STK33: variants seen among roughly 807,000 people sequenced by gnomAD.
The protein encoded by STK33 is serine/threonine-protein kinase 33.
STK33 carries 52 observed loss-of-function variants against 58.0 expected under a neutral mutation model. That is an observed-to-expected ratio of 0.90 (90% CI 0.72 to 1.13). STK33 has a LOEUF of 1.13. Among genes scored for constraint, STK33 ranks in the 50% most tolerant of loss-of-function variants. The probability of loss-of-function intolerance (pLI) is 0.00; values close to 1 mark genes in which losing one functional copy is unlikely to be tolerated. For synonymous variants in STK33, 215 were observed against 200.1 expected (o/e 1.07, Z -0.63); for missense variants, 630 against 604.2 (o/e 1.04, Z -0.45).
intron 14 of STK33, among the ~76,000 whole-genome samples, chr11:8,434,808 C>G (rs1274890986): frequency 6.6e-6 from 1 of 152,162 alleles, no homozygotes; most frequent in Non-Finnish European, 1.5e-5. Flanking sequence ...TCTCACTGAC[C>G]ATCACGATAA....
chr11:8,586,659 A>C (rs2031693478), intron 1 of STK33, among the ~76,000 whole-genome samples: 2 of 152,116 alleles, frequency 1.3e-5, no homozygotes, highest in Admixed American at 1.3e-4. Context: ...CCCCGTCTGT[A>C]CTAAAACTAC....
rs1243561676 is a variant in STK33 at position 8,479,319 on chromosome 11, G to A, written c.-261+1091C>T. ...GTGGTGGCATGCACCTGTAATCCCG[G>A]CTACTAGGGAGGCTGAGGCAGGAGA... On this transcript the variant is annotated intron_variant, in intron 2 of 15. Coordinates refer to ENST00000687296, the MANE Select transcript of STK33 (RefSeq NM_001352389.2). Among the ~76,000 whole-genome samples, 3 of 151,812 alleles carry A rather than the reference G, an allele frequency of 2.0e-5. No homozygotes were observed. In the East Asian group the frequency reaches 5.8e-4, roughly 29 times the overall value.
intron 1 of STK33, among the ~76,000 whole-genome samples, chr11:8,522,397 T>A (rs534455347): frequency 2.0e-5 from 3 of 151,992 alleles, no homozygotes; most frequent in South Asian, 4.2e-4. Context: ...CACCGCATGT[T>A]CTCCCTCATA....
intron 9 of STK33, among the ~76,000 whole-genome samples, chr11:8,455,063 A>G (rs1044661776): frequency 1.3e-5 from 2 of 152,136 alleles, no homozygotes; most frequent in African/African-American, 4.8e-5. Context: ...CTGTGACCCC[A>G]GCTGGCTGCT....
At chr11:8,547,523 T>G (rs972175058) in intron 1 of STK33, among the ~76,000 whole-genome samples, 2 of 152,236 alleles carry the variant, frequency 1.3e-5, no homozygotes, top group Non-Finnish European at 2.9e-5. Flanking sequence ...CCTGTATGTC[T>G]TCTTCTGAGA....
At chr11:8,427,523 A>G (rs1942918805) in intron 14 of STK33, among the ~76,000 whole-genome samples, 1 of 151,950 alleles carries the variant, frequency 6.6e-6, no homozygotes, top group East Asian at 1.9e-4. Context: ...TATCCCCATT[A>G]TTTCTTAAAC....
chr11:8,433,295 A>C (rs1040679491), intron 14 of STK33, among the ~76,000 whole-genome samples: 2 of 152,252 alleles, frequency 1.3e-5, no homozygotes, highest in African/African-American at 4.8e-5. Flanking sequence ...GAAATTGCCA[A>C]AGGAAAATTA....
In STK33 at chr11:8,454,830, T is replaced by C. The variant is rs942893076; in HGVS notation, c.700A>G (p.Ile234Val). 5 of 1,548,846 alleles carry C rather than the reference T, an allele frequency of 3.2e-6. No homozygotes were observed. Among genetic ancestry groups the C allele is most frequent in the Non-Finnish European group, 3.5e-6 (4 of 1,143,548 alleles). The change falls in exon 10 of 16, where the codon ATT (isoleucine) becomes GTT (valine). Residue 234 changes from isoleucine (I) to valine (V), a missense_variant and splice_region_variant. Ile to Val is a conservative substitution (Grantham distance 29, BLOSUM62 3). Coordinates refer to ENST00000687296, the MANE Select transcript of STK33 (RefSeq NM_001352389.2). ...TCCAGTTTCAGATCTCTATGTACAA[T>C]ATCTACCAAGAAAATAAACAACAAA... ...SAIAYLHNND[I>V]VHRDLKLENI... is the part of the protein sequence containing the mutation.
chr11:8,493,857 T>C (rs1415588533), intron 1 of STK33, among the ~76,000 whole-genome samples: 1 of 152,160 alleles, frequency 6.6e-6, no homozygotes, highest in East Asian at 1.9e-4. Flanking sequence ...CACATGACTA[T>C]CTTAATAGAT....
chr11:8,431,257 T>G (rs1334025079), intron 14 of STK33, among the ~76,000 whole-genome samples: 1 of 152,032 alleles, frequency 6.6e-6, no homozygotes, highest in Non-Finnish European at 1.5e-5. Flanking sequence ...TAACTACATA[T>G]AGTAAAATAA....
At chr11:8,442,118 T>C (rs1944837478) in intron 11 of STK33, among the ~76,000 whole-genome samples, 1 of 152,036 alleles carries the variant, frequency 6.6e-6, no homozygotes, top group Non-Finnish European at 1.5e-5. Context: ...CTTTTTCCTC[T>C]GCCTAGTGTT....
intron 14 of STK33, among the ~76,000 whole-genome samples, chr11:8,418,650 G>A (rs1413117096): frequency 1.3e-5 from 2 of 152,152 alleles, no homozygotes; most frequent in African/African-American, 2.4e-5. Flanking sequence ...TTAGCTCTCT[G>A]AGGAATCGCC....
chr11:8,504,216 T>C (rs894214405), intron 1 of STK33, among the ~76,000 whole-genome samples: 2 of 152,190 alleles, frequency 1.3e-5, no homozygotes, highest in Non-Finnish European at 2.9e-5. Context: ...AAAGGGTAGA[T>C]AGGAGCTTTT....
chr11:8,515,793 T>A (rs531228033), intron 1 of STK33, among the ~76,000 whole-genome samples: 2 of 151,900 alleles, frequency 1.3e-5, no homozygotes, highest in Non-Finnish European at 2.9e-5. Context: ...TTTTTCATGA[T>A]AAAAAACAAA....
chr11:8,388,214 C>G (rs1848570711), downstream of STK33, among the ~76,000 whole-genome samples: 1 of 152,162 alleles, frequency 6.6e-6, no homozygotes, highest in Non-Finnish European at 1.5e-5. Context: ...TGCAAAAGTC[C>G]TATTAATCTT....
chr11:8,430,183 C>T (rs550590398), intron 14 of STK33, among the ~76,000 whole-genome samples: 2 of 152,260 alleles, frequency 1.3e-5, no homozygotes, highest in Non-Finnish European at 1.5e-5. Context: ...CTCCTGTATG[C>T]CTTCTATGGT....
At chr11:8,447,633 AT>A (rs1376501194) in intron 11 of STK33, among the ~76,000 whole-genome samples, 3 of 152,222 alleles carry the variant, frequency 2.0e-5, no homozygotes, top group African/African-American at 7.2e-5. Context: ...GATGGGATGT[AT>A]CTCAAAATAA....
intron 11 of STK33, among the ~76,000 whole-genome samples, chr11:8,445,025 T>C (rs997284104): frequency 4.6e-5 from 7 of 152,254 alleles, no homozygotes; most frequent in Non-Finnish European, 1.0e-4. Context: ...TCCATGAGCA[T>C]GGAATGTTTT....
intron 14 of STK33, among the ~76,000 whole-genome samples, chr11:8,417,840 C>A (rs1590888085): frequency 6.6e-6 from 1 of 152,114 alleles, no homozygotes; most frequent in Non-Finnish European, 1.5e-5. Flanking sequence ...AGCACTCTCA[C>A]TTACTTGCTT....
Sources: allele counts gnomAD v4.1 joint callset (sites outside exome capture counted in the v4.1 genomes callset), GRCh38; gene constraint gnomAD v4.1.1; transcripts MANE v1.5; gene names NCBI Gene and HGNC (gene_info 2026-07-23, HGNC 2026-07-21).